Variants in CASC3 observed in about 807,000 individuals in gnomAD.
CASC3 encodes protein CASC3.
A neutral mutation model predicts 80.5 loss-of-function variants in CASC3; 30 were observed. The observed-to-expected ratio is 0.37, with a 90% confidence interval of 0.28 to 0.51. The LOEUF is 0.51. CASC3 is among the 20% of genes least tolerant of loss of function. The probability of loss-of-function intolerance (pLI) is 0.94; values close to 1 mark genes in which losing one functional copy is unlikely to be tolerated. For missense variants in CASC3, 824 were observed against 922.2 expected, an observed-to-expected ratio of 0.89 and a Z score of 1.38; for synonymous variants, 312 against 333.6, an observed-to-expected ratio of 0.94 and a Z score of 0.70.
intron 3 of CASC3, 21 bp downstream of exon 3, chr17:40,141,628 C>A: frequency 6.3e-7 from 1 of 1,599,152 alleles, no homozygotes; most frequent in African/African-American, 1.3e-5. Context: ...CAGGTTTTTT[C>A]CTATGGTATA....
In CASC3 at chr17:40,140,798, G is replaced by A. The variant is rs1988691624; in HGVS notation, c.231+19G>A. 7.0e-6 allele frequency: 10 copies of A among 1,425,916 alleles called. No individual in the cohort carries two copies. The highest frequency in any genetic ancestry group is 2.6e-4 in the Middle Eastern group (1 of 3,862). 88.3% of individuals were successfully genotyped at this position (1,425,916 alleles called of 1,614,324 possible). On this transcript the variant is annotated intron_variant, in intron 1 of 13. Transcript: ENST00000264645. ...GGAGTGTGTGAGTGCGCGCAGGCGG[G>A]GCGGGGTGGGGACCGGGCGGCGAGC...
intron 1 of CASC3, 67 bp downstream of exon 1, chr17:40,140,846 G>C: frequency 9.0e-7 from 1 of 1,116,572 alleles, no homozygotes; most frequent in Non-Finnish European, 1.2e-6. Context: ...GGGTGTAGGT[G>C]ATGCTAGGTA....
chr17:40,140,710 C>G lies in CASC3; in HGVS notation c.162C>G (p.Gly54=). 1.3e-6 allele frequency: 2 copies of G among 1,569,688 alleles called. No individual in the cohort carries two copies. Among genetic ancestry groups the G allele is most frequent in the Non-Finnish European group, 1.7e-6 (2 of 1,159,508 alleles). The change falls in exon 1 of 14, where the codon GGC becomes GGG. Residue 54 remains glycine, a synonymous_variant. Coordinates refer to ENST00000264645, the MANE Select transcript of CASC3 (RefSeq NM_007359.5). ...GCTCTCTGCCTTCACAGCGCGGAGG[C>G]CGAACCGGGGCCCTTCATCTGCGGC... ...GSGSLPSQRG[G]RTGALHLRRV... is the part of the protein sequence containing the mutation.
intron 3 of CASC3, among the ~76,000 whole-genome samples, chr17:40,156,506 G>A (rs536725884): frequency 1.3e-5 from 2 of 152,076 alleles, no homozygotes; most frequent in African/African-American, 2.4e-5. Flanking sequence ...CTAACACGAT[G>A]AAACCCCGTC....
At chr17:40,152,909 T>A (rs1040198080) in intron 3 of CASC3, among the ~76,000 whole-genome samples, 1 of 152,054 alleles carries the variant, frequency 6.6e-6, no homozygotes, top group African/African-American at 2.4e-5. Flanking sequence ...CCTGAGTAGT[T>A]GGGATTACAA....
chr17:40,163,433 C>A (rs1201771212), intron 6 of CASC3, 48 bp from the exon 7 acceptor site: 6 of 1,528,974 alleles, frequency 3.9e-6, no homozygotes, highest in Non-Finnish European at 5.3e-6. Context: ...CCGCGCGTAG[C>A]CTCCTTTTGT....
rs577366964 is a variant in CASC3, at chr17:40,148,510, G to C, written c.297+6903G>C. On this transcript the variant is annotated intron_variant, in intron 3 of 13. Coordinates refer to ENST00000264645, the MANE Select transcript of CASC3 (RefSeq NM_007359.5). ...CTCCTGAGTAGCTGGGACCTCGTGT[G>C]TCACCGTGCCCAGCTAATTTTTGTA... Among the ~76,000 whole-genome samples the C allele has an allele frequency of 5.9e-5, 9 of 152,160 alleles. No homozygotes were observed. The South Asian group carries it at 1.9e-3, about 32-fold the overall frequency.
In CASC3 at chr17:40,169,169, A is replaced by G. The variant is rs1330060612; in HGVS notation, c.1966-155A>G. The G allele has an allele frequency of 3.8e-6, 3 of 790,552 alleles. No individual in the cohort carries two copies. The African/African-American group carries it at 5.4e-5, about 14-fold the overall frequency. 49.0% of individuals were successfully genotyped at this position (790,552 alleles called of 1,614,324 possible). On this transcript the variant is annotated intron_variant, in intron 11 of 13. Coordinates refer to ENST00000264645, the MANE Select transcript of CASC3 (RefSeq NM_007359.5). ...ATAATAATGAAGAATTAAGGCAAAAATGAATAGTCACTTTATTTTGAAGGG... is the reference window on the plus strand; with the variant it reads ...ATAATAATGAAGAATTAAGGCAAAAGTGAATAGTCACTTTATTTTGAAGGG...
chr17:40,166,952 T>C, intron 8 of CASC3, 91 bp downstream of exon 8: 1 of 909,096 alleles, frequency 1.1e-6, no homozygotes, highest in East Asian at 2.8e-5. Context: ...TTTTTTTTTT[T>C]TCTTTTCTTT....
At chr17:40,148,697 G>A (rs549076582) in intron 3 of CASC3, among the ~76,000 whole-genome samples, 1 of 152,132 alleles carries the variant, frequency 6.6e-6, no homozygotes, top group South Asian at 2.1e-4. Flanking sequence ...AGTTTTGACT[G>A]TTGTGCTTTC....
chr17:40,141,717 A>T (rs927145284), intron 3 of CASC3, 110 bp downstream of exon 3: 8 of 851,860 alleles, frequency 9.4e-6, no homozygotes, highest in Non-Finnish European at 1.2e-5. Context: ...CCTCTTGTGT[A>T]TTCTTCATTT....
rs772013302 is a variant in CASC3, at chr17:40,163,523, G to A, written c.828G>A (p.Glu276=). The A allele has an allele frequency of 3.7e-6, 6 of 1,613,654 alleles. No homozygotes were observed. The highest frequency in any genetic ancestry group is 4.2e-6 in the Non-Finnish European group (5 of 1,179,884). Residue 276 remains glutamate, a synonymous_variant, in exon 7 of 14, where the codon GAG becomes GAA. Coordinates refer to ENST00000264645, the MANE Select transcript of CASC3 (RefSeq NM_007359.5). ...PPQRDPNWNG[E]RLNKSHRHQG... ...AAAGAGATCCAAACTGGAACGGTGA[G>A]CGGCTAAACAAGTCTCATCGCCACC... is the stretch of plus-strand genomic sequence containing the variant.
chr17:40,164,144 C>T lies in CASC3; in HGVS notation c.1449C>T (p.Phe483=). The change falls in exon 7 of 14, where the codon TTC becomes TTT. Residue 483 remains phenylalanine, a synonymous_variant. Transcript: ENST00000264645. The part of the protein sequence containing the change: ...EQNWSPGQPS[F]LQPRELRGMP... The stretch of plus-strand genomic sequence containing the variant: ...ATTGGAGTCCGGGGCAGCCTTCTTT[C>T]CTGCAACCACGGGAACTTCGAGGTA... 1.2e-6 allele frequency: 2 copies of T among 1,607,020 alleles called. No individual in the cohort carries two copies. Among genetic ancestry groups the T allele is most frequent in the Non-Finnish European group, 8.5e-7 (1 of 1,177,940 alleles).
At chr17:40,159,338 A>G (rs1002710124) in intron 3 of CASC3, among the ~76,000 whole-genome samples, 34 of 152,156 alleles carry the variant, frequency 2.2e-4, no homozygotes, top group African/African-American at 8.2e-4. Context: ...ATGTAAATTA[A>G]TAAAATGTAA....
At chr17:40,149,420 C>T (rs1307712672) in intron 3 of CASC3, among the ~76,000 whole-genome samples, 1 of 150,684 alleles carries the variant, frequency 6.6e-6, no homozygotes, top group East Asian at 1.9e-4. Context: ...GCCAAAAAAA[C>T]TTGTTAAAGA....
chr17:40,155,756 G>A (rs1989131230), intron 3 of CASC3, among the ~76,000 whole-genome samples: 1 of 152,218 alleles, frequency 6.6e-6, no homozygotes, highest in Admixed American at 6.5e-5. Context: ...TCAGGGTGGA[G>A]CTAGTAAGAA....
At chr17:40,168,168 C>T in intron 10 of CASC3, 35 bp from the exon 11 acceptor site, 1 of 1,578,616 alleles carries the variant, frequency 6.3e-7, no homozygotes. Flanking sequence ...AATGATGTTA[C>T]TTTATTTTTC....
chr17:40,169,566 C>A, intron 12 of CASC3, 32 bp from the exon 13 acceptor site: 1 of 1,583,236 alleles, frequency 6.3e-7, no homozygotes, highest in South Asian at 1.1e-5. Flanking sequence ...TTTGTTATGA[C>A]CTGATAACAA....
Position 40,168,369 on chromosome 17 carries a change from A to G in CASC3, c.1917A>G (p.Pro639=). The part of the protein sequence containing the change: ...NFGNPSYPYA[P]GALPPPPPPH... Reference sequence around the variant, plus strand: ...GTAATCCCAGTTACCCTTATGCTCCAGGGGCACTGCCTCCCCCACCACCGC... The same window carrying G: ...GTAATCCCAGTTACCCTTATGCTCCGGGGGCACTGCCTCCCCCACCACCGC... The change falls in exon 11 of 14, where the codon CCA becomes CCG. Residue 639 remains proline, a synonymous_variant. Transcript: ENST00000264645. The G allele has an allele frequency of 3.1e-6, 5 of 1,614,068 alleles. No homozygotes were observed. Among genetic ancestry groups the G allele is most frequent in the Non-Finnish European group, 4.2e-6 (5 of 1,180,004 alleles).
Sources: allele counts gnomAD v4.1 joint callset (sites outside exome capture counted in the v4.1 genomes callset), GRCh38; gene constraint gnomAD v4.1.1; transcripts MANE v1.5; gene names NCBI Gene and HGNC (gene_info 2026-07-23, HGNC 2026-07-21).